The following IER3IP1 variants were observed in gnomAD, a reference collection of about 807,000 sequenced individuals.
The protein encoded by IER3IP1 is immediate early response 3-interacting protein 1.
Under a neutral mutation model 12.2 loss-of-function variants are expected in IER3IP1, and 16 were observed. That is an observed-to-expected ratio of 1.31 (90% CI 0.89 to 1.99). The LOEUF is 1.99. Ranked by LOEUF, IER3IP1 falls within the 30% of genes most tolerant of loss-of-function variation. IER3IP1 has a pLI of 0.00. For missense variants in IER3IP1, 95 were observed against 95.8 expected, an observed-to-expected ratio of 0.99 and a Z score of 0.03; for synonymous variants, 42 against 40.0, an observed-to-expected ratio of 1.05 and a Z score of -0.19.
intron 1 of IER3IP1, among the ~76,000 whole-genome samples, chr18:47,161,472 T>C (rs773761654): frequency 6.6e-6 from 1 of 152,228 alleles, no homozygotes; most frequent in Non-Finnish European, 1.5e-5. Context: ...ATAGATAACC[T>C]TGTAATCTTG....
chr18:47,153,754 T>C lies in IER3IP1; in HGVS notation c.*2423A>G, dbSNP rs1390437978. The C allele has an allele frequency of 6.6e-6, 1 of 152,212 alleles. No homozygotes were observed. Among genetic ancestry groups the C allele is most frequent in the Non-Finnish European group, 1.5e-5 (1 of 68,036 alleles). The allele number at this position is 152,212 out of a possible 1,614,324, so 9.4% of individuals were successfully genotyped here. A position where few individuals can be genotyped will look rare whatever the true frequency, so the allele number is the denominator to read the frequency against. On this transcript the variant is annotated 3_prime_UTR_variant, in exon 3 of 3. Transcript: ENST00000256433. The stretch of plus-strand genomic sequence containing the variant: ...CTTTTTTATGGCTAAAGCAGGGATT[T>C]TTATAAGATACTTTTTAGCTATATT...
At chr18:47,159,500 CAA>C (rs2063972735) in intron 1 of IER3IP1, among the ~76,000 whole-genome samples, 1 of 152,074 alleles carries the variant, frequency 6.6e-6, no homozygotes, top group Non-Finnish European at 1.5e-5. Flanking sequence ...TTAGAACTCT[CAA>C]AAGTCTCTAC....
At chr18:47,159,677 A>T (rs913084882) in intron 1 of IER3IP1, among the ~76,000 whole-genome samples, 1 of 152,182 alleles carries the variant, frequency 6.6e-6, no homozygotes, top group African/African-American at 2.4e-5. Context: ...ACAGGGAGAG[A>T]TTATGGGCAA....
intron 1 of IER3IP1, among the ~76,000 whole-genome samples, chr18:47,159,861 T>C (rs2063974206): frequency 6.6e-6 from 1 of 152,160 alleles, no homozygotes; most frequent in South Asian, 2.1e-4. Flanking sequence ...GAAATTCTTC[T>C]ATGGTTTGAT....
At chr18:47,166,239 C>T (rs910769706) in intron 1 of IER3IP1, among the ~76,000 whole-genome samples, 12 of 152,042 alleles carry the variant, frequency 7.9e-5, no homozygotes, top group Non-Finnish European at 8.8e-5. Context: ...TCAGGAATTG[C>T]AAGAATATAA....
chr18:47,169,208 G>A (rs1011558299), intron 1 of IER3IP1, among the ~76,000 whole-genome samples: 11 of 152,134 alleles, frequency 7.2e-5, no homozygotes, highest in Non-Finnish European at 1.0e-4. Context: ...GGTCTTTTAC[G>A]ACTAGCTTCT....
rs150405595 is a variant in IER3IP1, at chr18:47,159,022, C to G, written c.92-1485G>C. ...TGAGAAACATAAAAACACAACAGAACACTTCAAAGGCCACTTTACACAAAA... is the reference window on the plus strand; with the variant it reads ...TGAGAAACATAAAAACACAACAGAAGACTTCAAAGGCCACTTTACACAAAA... On this transcript the variant is annotated intron_variant, in intron 1 of 2. Coordinates refer to ENST00000256433, the MANE Select transcript of IER3IP1 (RefSeq NM_016097.5). Among the ~76,000 whole-genome samples, 713 of 152,168 alleles carry G rather than the reference C, an allele frequency of 4.7e-3. 4 individuals carry two copies. The highest frequency in any genetic ancestry group is 0.016 in the African/African-American group (673 of 41,524).
chr18:47,158,312 C>T (rs2063968024), intron 1 of IER3IP1, among the ~76,000 whole-genome samples: 3 of 152,154 alleles, frequency 2.0e-5, no homozygotes, highest in East Asian at 3.9e-4. Context: ...CCACTGCATT[C>T]GGCCTAAGTA....
intron 1 of IER3IP1, among the ~76,000 whole-genome samples, chr18:47,164,744 T>C (rs937102887): frequency 6.6e-6 from 1 of 150,830 alleles, no homozygotes; most frequent in African/African-American, 2.4e-5. Context: ...ATCATGCTAC[T>C]GCACTCCAGC....
At chr18:47,175,114 A>G (rs1016936279) in intron 1 of IER3IP1, among the ~76,000 whole-genome samples, 2 of 152,238 alleles carry the variant, frequency 1.3e-5, no homozygotes, top group Non-Finnish European at 2.9e-5. Flanking sequence ...CTCAATAAAT[A>G]TCTTCTGAAG....
chr18:47,160,902 TGA>T (rs1368357479), intron 1 of IER3IP1, among the ~76,000 whole-genome samples: 3 of 152,214 alleles, frequency 2.0e-5, no homozygotes, highest in African/African-American at 4.8e-5. Context: ...TTATTCTCTG[TGA>T]GTCTTTTACA....
chr18:47,176,141 G>A (rs1418363660), intron 1 of IER3IP1, 46 bp downstream of exon 1: 7 of 1,497,512 alleles, frequency 4.7e-6, no homozygotes, highest in Non-Finnish European at 6.4e-6. Flanking sequence ...ACGCGCCCCC[G>A]GGGACTCCGC....
intron 1 of IER3IP1, among the ~76,000 whole-genome samples, chr18:47,174,920 A>T (rs1441375564): frequency 6.6e-6 from 1 of 152,162 alleles, no homozygotes; most frequent in Non-Finnish European, 1.5e-5. Flanking sequence ...CAGGTTAGAC[A>T]CGCTTCCTCC....
At chr18:47,162,461 T>A (rs1201551199) in intron 1 of IER3IP1, among the ~76,000 whole-genome samples, 1 of 152,162 alleles carries the variant, frequency 6.6e-6, no homozygotes, top group Non-Finnish European at 1.5e-5. Context: ...ATGCATTTTT[T>A]AAATGAACAT....
At position 47,172,331 on chromosome 18, in the gene IER3IP1, AACTTTCTACTC is replaced by A. The variant is rs1363777866; in HGVS notation, c.91+3845_91+3855del. On this transcript the variant is annotated intron_variant, in intron 1 of 2. Transcript: ENST00000256433. This position sits in a 1 kb window ranked among gnomAD's most constrained non-coding sequence, Gnocchi z 4.0. ...GATAATATTACTGTCTCCATTTTAT[AACTTTCTACTC>A]ACTTCCCAATCCATTCCAATCTGGA... 6.6e-6 allele frequency among the ~76,000 whole-genome samples: 1 copy of A among 152,220 alleles called. No homozygotes were observed. The highest frequency in any genetic ancestry group is 1.5e-5 in the Non-Finnish European group (1 of 68,042).
chr18:47,164,895 C>G (rs571251732), intron 1 of IER3IP1, among the ~76,000 whole-genome samples: 1 of 152,248 alleles, frequency 6.6e-6, no homozygotes, highest in South Asian at 2.1e-4. Flanking sequence ...GTACTTGCTG[C>G]CTTAATTTCA....
chr18:47,170,218 A>G (rs1401215644), intron 1 of IER3IP1, among the ~76,000 whole-genome samples: 1 of 152,166 alleles, frequency 6.6e-6, no homozygotes, highest in African/African-American at 2.4e-5. Flanking sequence ...ATTGATATAA[A>G]TGTAAGGATT....
At chr18:47,176,036 G>C in intron 1 of IER3IP1, 151 bp downstream of exon 1, 1 of 719,998 alleles carries the variant, frequency 1.4e-6, no homozygotes, top group Non-Finnish European at 2.4e-6. Context: ...GCCCAAACCT[G>C]ATGAGAGGAA....
At chr18:47,163,432 A>G (rs963788928) in intron 1 of IER3IP1, among the ~76,000 whole-genome samples, 10 of 152,220 alleles carry the variant, frequency 6.6e-5, no homozygotes, top group East Asian at 1.9e-4. Context: ...CATGCTACTC[A>G]TAACAGCCCA....
Sources: allele counts gnomAD v4.1 joint callset (sites outside exome capture counted in the v4.1 genomes callset), GRCh38; gene constraint gnomAD v4.1.1; non-coding constraint Gnocchi (gnomAD v3.1); transcripts MANE v1.5; gene names NCBI Gene and HGNC (gene_info 2026-07-23, HGNC 2026-07-21).